PTPRM: variants seen among roughly 807,000 people sequenced by gnomAD.
PTPRM encodes protein tyrosine phosphatase receptor type M.
PTPRM carries 47 observed loss-of-function variants against 186.7 expected under a neutral mutation model. That is an observed-to-expected ratio of 0.25 (90% CI 0.20 to 0.32). The LOEUF is 0.32. Ranked by LOEUF, PTPRM falls within the 10% of genes least tolerant of loss-of-function variation. The pLI, the probability that PTPRM is intolerant of heterozygous loss-of-function variation, is 1.00. For synonymous variants in PTPRM, 668 were observed against 674.9 expected (o/e 0.99, Z 0.16); for missense variants, 1,494 against 1,865.0 (o/e 0.80, Z 3.66).
At chr18:7,908,900 T>C (rs968750377) in intron 4 of PTPRM, among the ~76,000 whole-genome samples, 1 of 152,216 alleles carries the variant, frequency 6.6e-6, no homozygotes, top group Non-Finnish European at 1.5e-5. Context: ...ACAAAGTTCA[T>C]GGACTCTGAT....
At chr18:8,231,100 G>C (rs537129045) in intron 14 of PTPRM, among the ~76,000 whole-genome samples, 24 of 152,246 alleles carry the variant, frequency 1.6e-4, no homozygotes, top group African/African-American at 5.8e-4. Flanking sequence ...TGCTATCCCT[G>C]TAGTATTTGA....
At chr18:8,110,967 A>G (rs1051744963) in intron 11 of PTPRM, among the ~76,000 whole-genome samples, 1 of 152,156 alleles carries the variant, frequency 6.6e-6, no homozygotes. Flanking sequence ...CCTTCACTGG[A>G]CCTGTGAATG....
chr18:7,807,497 G>A (rs1050169789), intron 2 of PTPRM, among the ~76,000 whole-genome samples: 7 of 152,240 alleles, frequency 4.6e-5, no homozygotes, highest in East Asian at 3.9e-4. Flanking sequence ...ACCACCTCCC[G>A]CCCATGTTGT....
chr18:7,948,848 A>G (rs949646564), intron 5 of PTPRM, among the ~76,000 whole-genome samples: 6 of 152,246 alleles, frequency 3.9e-5, no homozygotes, highest in East Asian at 1.9e-4. Context: ...AGAAAGTGCT[A>G]TAAGACCAAA....
chr18:7,937,574 T>A (rs1167512650), intron 5 of PTPRM, among the ~76,000 whole-genome samples: 1 of 152,178 alleles, frequency 6.6e-6, no homozygotes, highest in Non-Finnish European at 1.5e-5. Flanking sequence ...GTGGGCCCGC[T>A]GGGCCCGAGC....
chr18:8,313,215 A>C (rs1465258135), intron 20 of PTPRM, among the ~76,000 whole-genome samples: 4 of 152,214 alleles, frequency 2.6e-5, no homozygotes, highest in Non-Finnish European at 5.9e-5. Flanking sequence ...GTAGCAGTTT[A>C]GAAGCAGGGT....
rs73377966 is a variant in PTPRM, at chr18:7,843,489, G to A, written c.197-44617G>A. On this transcript the variant is annotated intron_variant, in intron 2 of 32. Coordinates refer to ENST00000580170, the MANE Select transcript of PTPRM (RefSeq NM_001105244.2). ...ATTTCTGTGCAGTTTTAGAATTTCT[G>A]ATAGGTGTTTTAGGGGAAGACCTAC... Among the ~76,000 whole-genome samples, 1,486 of 152,260 alleles carry A rather than the reference G, an allele frequency of 9.8e-3. 21 individuals carry two copies. The highest frequency in any genetic ancestry group is 0.046 in the East Asian group (237 of 5,178).
intron 2 of PTPRM, among the ~76,000 whole-genome samples, chr18:7,874,613 A>C (rs2048141243): frequency 6.6e-6 from 1 of 152,148 alleles, no homozygotes; most frequent in South Asian, 2.1e-4. Context: ...TTAAAACCTA[A>C]GGTTTTAATA....
chr18:7,623,015 T>A (rs2037977326), intron 1 of PTPRM, among the ~76,000 whole-genome samples: 1 of 152,166 alleles, frequency 6.6e-6, no homozygotes, highest in South Asian at 2.1e-4. Flanking sequence ...TTTTCTGTGA[T>A]TCTGGGCAGT....
At chr18:7,805,055 T>A (rs2044164708) in intron 2 of PTPRM, among the ~76,000 whole-genome samples, 1 of 152,246 alleles carries the variant, frequency 6.6e-6, no homozygotes, top group South Asian at 2.1e-4. Flanking sequence ...TGGCTTTATT[T>A]ATGTTAAAAG....
At chr18:7,985,478 T>G (rs1338210005) in intron 7 of PTPRM, among the ~76,000 whole-genome samples, 3 of 146,164 alleles carry the variant, frequency 2.1e-5, no homozygotes, top group African/African-American at 7.5e-5. Context: ...CGTAAATATA[T>G]ACATATACTG....
chr18:7,615,115 G>A (rs903754005), intron 1 of PTPRM, among the ~76,000 whole-genome samples: 2 of 151,992 alleles, frequency 1.3e-5, no homozygotes, highest in Admixed American at 6.6e-5. Flanking sequence ...CTTCAAAATC[G>A]TTTGTTGCTT....
At chr18:7,736,760 C>G (rs1048308551) in intron 1 of PTPRM, among the ~76,000 whole-genome samples, 1 of 152,298 alleles carries the variant, frequency 6.6e-6, no homozygotes, top group African/African-American at 2.4e-5. Context: ...AATAACATCA[C>G]TTTCTAAATT....
chr18:7,699,668 A>G (rs978905767), intron 1 of PTPRM, among the ~76,000 whole-genome samples: 1 of 151,764 alleles, frequency 6.6e-6, no homozygotes, highest in African/African-American at 2.4e-5. Context: ...CTGGGATTAC[A>G]AGTGTGAGCC....
chr18:7,698,025 A>G (rs1396275744), intron 1 of PTPRM, among the ~76,000 whole-genome samples: 1 of 152,184 alleles, frequency 6.6e-6, no homozygotes, highest in Non-Finnish European at 1.5e-5. Flanking sequence ...ATAGTTCGTG[A>G]GTTGTATGGC....
intron 2 of PTPRM, among the ~76,000 whole-genome samples, chr18:7,786,650 C>CT (rs143299640): frequency 0.066 from 10,099 of 152,232 alleles, 391 homozygotes; most frequent in South Asian, 0.12. Context: ...CATGACACAT[C>CT]TTTTTTCTCT....
At chr18:7,607,217 A>T (rs564101068) in intron 1 of PTPRM, among the ~76,000 whole-genome samples, 1 of 152,304 alleles carries the variant, frequency 6.6e-6, no homozygotes, top group African/African-American at 2.4e-5. Flanking sequence ...CACAATTTTA[A>T]TGATGCAGAA....
chr18:8,158,246 C>A (rs2093161926), intron 14 of PTPRM, among the ~76,000 whole-genome samples: 1 of 152,240 alleles, frequency 6.6e-6, no homozygotes, highest in East Asian at 1.9e-4. Flanking sequence ...ATAATTACTA[C>A]TAAAATTGAT....
chr18:7,621,435 A>G (rs1276555464), intron 1 of PTPRM, among the ~76,000 whole-genome samples: 1 of 151,864 alleles, frequency 6.6e-6, no homozygotes, highest in East Asian at 1.9e-4. Context: ...AGAGTGGTGC[A>G]TTGTTAAAGC....
Sources: gnomAD v4.1 joint callset for allele counts (sites outside exome capture counted in the v4.1 genomes callset) on GRCh38, gnomAD v4.1.1 for gene constraint, MANE v1.5 for transcripts, NCBI Gene and HGNC (gene_info 2026-07-23, HGNC 2026-07-21) for gene names.